Variants in RHOU observed in about 807,000 individuals in gnomAD.
The protein encoded by RHOU is ras homolog family member U.
RHOU carries 8 observed loss-of-function variants against 12.6 expected under a neutral mutation model. That is an observed-to-expected ratio of 0.64 (90% CI 0.37 to 1.15). The LOEUF (loss-of-function observed/expected upper bound fraction) is 1.15, where lower values mean the gene tolerates loss of function less well. Among genes scored for constraint, RHOU ranks in the 50% most tolerant of loss-of-function variants. RHOU has a pLI of 0.01. For synonymous variants in RHOU, 161 were observed against 147.4 expected (o/e 1.09, Z -0.67); for missense variants, 258 against 347.0 (o/e 0.74, Z 2.04).
At chr1:228,720,415 G>A in the RHOU span, among the ~76,000 whole-genome samples, 2 of 152,132 alleles carry the variant, frequency 1.3e-5, no homozygotes, top group Non-Finnish European at 2.9e-5. Context: ...AAATTCATAT[G>A]TTGAAGTCCT....
chr1:228,647,611 A>G, the RHOU span, among the ~76,000 whole-genome samples: 3 of 152,080 alleles, frequency 2.0e-5, no homozygotes, highest in African/African-American at 7.2e-5. Flanking sequence ...GCGCCGGATG[A>G]GTGAATTGAA....
At chr1:228,731,785 G>T (rs938762569), upstream of RHOU, among the ~76,000 whole-genome samples, 1 of 151,904 alleles carries the variant, frequency 6.6e-6, no homozygotes, top group Admixed American at 6.6e-5. Flanking sequence ...GTTGGGGGTA[G>T]GTAGGGGGGA....
the RHOU span, among the ~76,000 whole-genome samples, chr1:228,701,320 TA>T: frequency 7.2e-5 from 11 of 152,188 alleles, no homozygotes; most frequent in Non-Finnish European, 1.3e-4. Context: ...TAAAAGGTTT[TA>T]AAAAGCAAAA....
At chr1:228,668,434 T>G in the RHOU span, among the ~76,000 whole-genome samples, 2 of 152,196 alleles carry the variant, frequency 1.3e-5, no homozygotes, top group African/African-American at 4.8e-5. Context: ...GGGGGCTGTC[T>G]TGTGGGACCA....
intron 2 of RHOU, among the ~76,000 whole-genome samples, chr1:228,742,628 T>A (rs4500282): frequency 0.38 from 57,384 of 151,778 alleles, 12,078 homozygotes; most frequent in African/African-American, 0.59. Flanking sequence ...GGCACTGAGC[T>A]GCAAAAGTTT....
At chr1:228,706,210 C>T in the RHOU span, among the ~76,000 whole-genome samples, 3 of 152,120 alleles carry the variant, frequency 2.0e-5, no homozygotes, top group African/African-American at 4.8e-5. Flanking sequence ...ACTTGATGCT[C>T]TTGTTGGTCA....
chr1:228,663,133 C>T, the RHOU span, among the ~76,000 whole-genome samples: 1 of 152,168 alleles, frequency 6.6e-6, no homozygotes, highest in African/African-American at 2.4e-5. Context: ...CAAATTTCAA[C>T]AGTTATGAAT....
chr1:228,652,196 G>A, the RHOU span, among the ~76,000 whole-genome samples: 1 of 152,216 alleles, frequency 6.6e-6, no homozygotes, highest in East Asian at 1.9e-4. Context: ...GTGCCAGGAG[G>A]AAAAGGGTAC....
Position 228,737,732 on chromosome 1 carries a change from G to A in RHOU, c.321+1G>A. 1 of 1,614,152 alleles carries A rather than the reference G, an allele frequency of 6.2e-7. No individual in the cohort carries two copies. Among genetic ancestry groups the A allele is most frequent in the Non-Finnish European group, 8.5e-7 (1 of 1,179,990 alleles). Reference sequence around the variant, plus strand: ...CCAACTCTGTGACACTGCCGGACAGGTCAGTATCACGTTACAGCTCAGTGC... The same window carrying A: ...CCAACTCTGTGACACTGCCGGACAGATCAGTATCACGTTACAGCTCAGTGC... On this transcript the variant is annotated splice_donor_variant, in intron 2 of 2. Coordinates refer to ENST00000366691, the MANE Select transcript of RHOU (RefSeq NM_021205.6). LOFTEE classifies it high-confidence loss of function. The surrounding 1 kb of genome is among the most constrained non-coding windows in gnomAD (Gnocchi z 4.1).
intron 2 of RHOU, among the ~76,000 whole-genome samples, chr1:228,740,690 A>G (rs1453282042): frequency 6.6e-6 from 1 of 152,218 alleles, no homozygotes; most frequent in South Asian, 2.1e-4. Context: ...CTTGAGGGTT[A>G]AGTGACTCCA....
chr1:228,708,135 C>T, the RHOU span, among the ~76,000 whole-genome samples: 3 of 152,128 alleles, frequency 2.0e-5, no homozygotes, highest in Non-Finnish European at 2.9e-5. Context: ...ACGAGCAAAG[C>T]GTCCAAGAAA....
the RHOU span, among the ~76,000 whole-genome samples, chr1:228,700,382 C>A: frequency 6.6e-6 from 1 of 152,134 alleles, no homozygotes; most frequent in Non-Finnish European, 1.5e-5. Context: ...AACCAGTCAA[C>A]CCCTTTGTTA....
chr1:228,722,174 A>C, the RHOU span, among the ~76,000 whole-genome samples: 2 of 152,328 alleles, frequency 1.3e-5, no homozygotes, highest in East Asian at 1.9e-4. Flanking sequence ...GGTGCTAGGT[A>C]CCTGTATAGA....
chr1:228,712,093 A>G, the RHOU span, among the ~76,000 whole-genome samples: 1 of 151,500 alleles, frequency 6.6e-6, no homozygotes, highest in Non-Finnish European at 1.5e-5. Flanking sequence ...AGAAATGCAA[A>G]TCAAAACCAC....
chr1:228,686,229 A>G, the RHOU span, among the ~76,000 whole-genome samples: 1 of 152,170 alleles, frequency 6.6e-6, no homozygotes, highest in South Asian at 2.1e-4. Context: ...TGAGGTTTCT[A>G]TGATATTTAA....
At position 228,735,905 on chromosome 1, in the gene RHOU, G is replaced by C; in HGVS notation, c.163G>C (p.Val55Leu). Residue 55 changes from valine (V) to leucine (L), a missense_variant, in exon 1 of 3, where the codon GTC (valine) becomes CTC (leucine). By Grantham distance (32) the Val-to-Leu change is conservative (BLOSUM62 1). Transcript: ENST00000366691. The surrounding 1 kb of genome is among the most constrained non-coding windows in gnomAD (Gnocchi z 8.1). ...AEGRGVKCVLVGDGAVGKTSL... is the reference protein window; with the variant it reads ...AEGRGVKCVLLGDGAVGKTSL... The stretch of plus-strand genomic sequence containing the variant: ...GGGGCGCGGCGTCAAGTGCGTGCTG[G>C]TCGGCGACGGCGCGGTGGGCAAGAC... 1 of 1,561,972 alleles carries C rather than the reference G, an allele frequency of 6.4e-7. No individual in the cohort carries two copies. Among genetic ancestry groups the C allele is most frequent in the South Asian group, 1.1e-5 (1 of 87,668 alleles).
the RHOU span, among the ~76,000 whole-genome samples, chr1:228,659,264 G>C: frequency 6.6e-5 from 10 of 152,066 alleles, no homozygotes; most frequent in African/African-American, 2.4e-4. Context: ...TGTAATCCCA[G>C]CTACTTGGGA....
chr1:228,740,359 A>T (rs1662695573), intron 2 of RHOU, among the ~76,000 whole-genome samples: 1 of 152,224 alleles, frequency 6.6e-6, no homozygotes, highest in Non-Finnish European at 1.5e-5. Context: ...CCAATTAAAT[A>T]ATGAATAAGA....
At chr1:228,707,194 T>C in the RHOU span, among the ~76,000 whole-genome samples, 9,291 of 69,920 alleles carry the variant, frequency 0.13, 626 homozygotes, top group African/African-American at 0.27. Context: ...TATATATATA[T>C]ACATATATAT....
Sources: gnomAD v4.1 joint callset for allele counts (sites outside exome capture counted in the v4.1 genomes callset) on GRCh38, gnomAD v4.1.1 for gene constraint, Gnocchi (gnomAD v3.1) non-coding constraint, MANE v1.5 for transcripts, NCBI Gene and HGNC (gene_info 2026-07-23, HGNC 2026-07-21) for gene names.